The following PDE12 variants were observed in gnomAD, a reference collection of about 807,000 sequenced individuals.
PDE12 encodes 2',5'-phosphodiesterase 12.
In PDE12, 26 loss-of-function variants were observed where a neutral mutation model predicts 45.4. The ratio of observed to expected loss-of-function variants is 0.57; its 90% CI spans 0.42 to 0.79. PDE12 has a LOEUF of 0.79. PDE12 is among the 30% of genes least tolerant of loss of function. The pLI is 0.00. For synonymous variants in PDE12, 283 were observed against 323.9 expected (o/e 0.87, Z 1.36); for missense variants, 668 against 790.0 (o/e 0.85, Z 1.85).
the PDE12 span, chr3:57,630,466 C>T: frequency 1.9e-6 from 3 of 1,595,840 alleles, no homozygotes; most frequent in African/African-American, 4.1e-5. Flanking sequence ...ATTTTTGGGT[C>T]ATTTCCTTCC....
the PDE12 span, among the ~76,000 whole-genome samples, chr3:57,649,639 A>AT: frequency 5.9e-4 from 86 of 146,710 alleles, no homozygotes; most frequent in African/African-American, 2.0e-3. Context: ...TGAAAAAAAA[A>AT]AAATATATAT....
At chr3:57,587,729 C>T in the PDE12 span, among the ~76,000 whole-genome samples, 1 of 152,136 alleles carries the variant, frequency 6.6e-6, no homozygotes, top group East Asian at 1.9e-4. Context: ...ATCATGCAAC[C>T]ATTTCTAGGT....
the PDE12 span, among the ~76,000 whole-genome samples, chr3:57,587,319 C>CAAAAAAAAAAAAA: frequency 4.4e-5 from 2 of 45,400 alleles, no homozygotes; most frequent in Non-Finnish European, 9.4e-5. Flanking sequence ...AACTCAGTCT[C>CAAAAAAAAAAAAA]AAAAAAAAAA....
chr3:57,560,052 G>A lies in PDE12; in HGVS notation c.*48G>A. The A allele has an allele frequency of 6.5e-7, 1 of 1,536,550 alleles. No individual in the cohort carries two copies. The highest frequency in any genetic ancestry group is 8.7e-7 in the Non-Finnish European group (1 of 1,150,872). ...GTCTGAAAAGGAAGTAGTTATTTTA[G>A]CAGAAAATTTAATATGAATCAAAGC... is the stretch of plus-strand genomic sequence containing the variant. On this transcript the variant is annotated 3_prime_UTR_variant, in exon 3 of 3. Transcript: ENST00000311180.
the PDE12 span, among the ~76,000 whole-genome samples, chr3:57,599,875 AAAT>A: frequency 6.9e-6 from 1 of 144,298 alleles, no homozygotes; most frequent in African/African-American, 2.6e-5. Flanking sequence ...TTTTTTTAAT[AAAT>A]AAGTGGATTC....
the PDE12 span, among the ~76,000 whole-genome samples, chr3:57,615,164 C>G: frequency 6.6e-6 from 1 of 152,030 alleles, no homozygotes; most frequent in Admixed American, 6.6e-5. Context: ...TCGCCCCCCT[C>G]GGCCTCCCAA....
rs1240594884 is a variant in PDE12, at chr3:57,564,007, T to C, written c.*4003T>C. On this transcript the variant is annotated 3_prime_UTR_variant, in exon 3 of 3. Transcript: ENST00000311180. ...CTTTATATGAAAGTACTTTTTTAAA[T>C]GTTAAAAATACTAGAGCTGTATTAA... is the stretch of plus-strand genomic sequence containing the variant. 1 of 152,258 alleles carries C rather than the reference T, an allele frequency of 6.6e-6. No homozygotes were observed. 9.4% of individuals were successfully genotyped at this position (152,258 alleles called of 1,614,324 possible). A position where few individuals can be genotyped will look rare whatever the true frequency, so the allele number is the denominator to read the frequency against.
chr3:57,654,821 T>C, the PDE12 span: 2 of 966,472 alleles, frequency 2.1e-6, no homozygotes, highest in East Asian at 1.1e-4. Flanking sequence ...TCAAGCTCAG[T>C]CTTGGTGTAA....
At chr3:57,630,607 T>C in the PDE12 span, 1 of 1,524,854 alleles carries the variant, frequency 6.6e-7, no homozygotes, top group South Asian at 1.2e-5. Flanking sequence ...GAGAACCATG[T>C]CAAACTTTAG....
downstream of PDE12, chr3:57,571,523 T>C (rs192919441): frequency 5.2e-3 from 800 of 152,708 alleles, 3 homozygotes; most frequent in Middle Eastern, 0.01. Flanking sequence ...AAAATCAGGC[T>C]GATAACAAAA....
the PDE12 span, among the ~76,000 whole-genome samples, chr3:57,589,960 G>A: frequency 2.5e-4 from 35 of 141,552 alleles, no homozygotes; most frequent in Admixed American, 2.0e-3. Flanking sequence ...GCATGGTGGC[G>A]GGCGCCTGTA....
chr3:57,621,622 T>G, the PDE12 span, among the ~76,000 whole-genome samples: 1 of 151,922 alleles, frequency 6.6e-6, no homozygotes, highest in Non-Finnish European at 1.5e-5. Context: ...ATTGCACCAT[T>G]GCACTCCAGC....
the PDE12 span, among the ~76,000 whole-genome samples, chr3:57,643,226 A>G: frequency 6.6e-6 from 1 of 152,234 alleles, no homozygotes; most frequent in Admixed American, 6.5e-5. Flanking sequence ...CATGTTACAA[A>G]GGAGAAATTT....
chr3:57,579,341 G>A, the PDE12 span, among the ~76,000 whole-genome samples: 15 of 150,882 alleles, frequency 9.9e-5, no homozygotes, highest in South Asian at 2.1e-4. Context: ...AGGCTGGAGT[G>A]CAGTGGTGCC....
the PDE12 span, among the ~76,000 whole-genome samples, chr3:57,656,392 C>T: frequency 6.6e-6 from 1 of 152,074 alleles, no homozygotes; most frequent in African/African-American, 2.4e-5. Context: ...ATTCCATGTG[C>T]ATTCATGTAT....
At chr3:57,559,278 A>G (rs1273068986) in intron 1 of PDE12, 32 bp from the exon 2 acceptor site, 7 of 1,525,184 alleles carry the variant, frequency 4.6e-6, no homozygotes, top group South Asian at 1.2e-5. Flanking sequence ...GCAAATGCCA[A>G]CTGAACTCTT....
At chr3:57,634,416 G>C in the PDE12 span, 2 of 364,678 alleles carry the variant, frequency 5.5e-6, no homozygotes, top group African/African-American at 4.9e-5. Flanking sequence ...CTGGGTGATA[G>C]AGTGAGACTC....
chr3:57,607,418 A>C, the PDE12 span, among the ~76,000 whole-genome samples: 2 of 152,192 alleles, frequency 1.3e-5, no homozygotes, highest in African/African-American at 4.8e-5. Context: ...TGGGAGAAGA[A>C]GGCTTCAGAC....
chr3:57,584,711 T>C, the PDE12 span, among the ~76,000 whole-genome samples: 1 of 152,180 alleles, frequency 6.6e-6, no homozygotes, highest in Non-Finnish European at 1.5e-5. Context: ...TGTAGCTGAC[T>C]TAGGCTCTAA....
Sources: gnomAD v4.1 joint callset for allele counts (sites outside exome capture counted in the v4.1 genomes callset) on GRCh38, gnomAD v4.1.1 for gene constraint, MANE v1.5 for transcripts, NCBI Gene and HGNC (gene_info 2026-07-23, HGNC 2026-07-21) for gene names.